The following SETX variants were observed in gnomAD, a reference collection of about 807,000 sequenced individuals.
The protein encoded by SETX is senataxin, also known as helicase senataxin.
In SETX, 90 loss-of-function variants were observed where a neutral mutation model predicts 227.2. The ratio of observed to expected loss-of-function variants is 0.40; its 90% CI spans 0.33 to 0.47. The LOEUF (loss-of-function observed/expected upper bound fraction) is 0.47. Ranked by LOEUF, SETX falls within the 20% of genes least tolerant of loss-of-function variation. The probability of loss-of-function intolerance (pLI) is 0.91; values close to 1 mark genes in which losing one functional copy is unlikely to be tolerated. For synonymous variants in SETX, 1,210 were observed against 1,113.2 expected, an observed-to-expected ratio of 1.09 and a Z score of -1.73; for missense variants, 3,052 against 3,181.5, an observed-to-expected ratio of 0.96 and a Z score of 0.98.
intron 2 of SETX, among the ~76,000 whole-genome samples, chr9:132,350,264 T>C (rs1447576984): frequency 1.3e-5 from 2 of 152,056 alleles, no homozygotes; most frequent in Non-Finnish European, 2.9e-5. Flanking sequence ...GCAGGAGTAC[T>C]GCCTGAACGT....
chr9:132,343,180 G>A (rs1001319794), intron 4 of SETX, among the ~76,000 whole-genome samples: 1 of 152,096 alleles, frequency 6.6e-6, no homozygotes, highest in East Asian at 1.9e-4. Flanking sequence ...TTAGCCGGGC[G>A]TGGTGGTGGG....
At chr9:132,307,567 T>C (rs2131338165) in intron 11 of SETX, among the ~76,000 whole-genome samples, 1 of 152,120 alleles carries the variant, frequency 6.6e-6, no homozygotes, top group East Asian at 1.9e-4. Flanking sequence ...GCACACAGCC[T>C]CAGAGCCAAC....
chr9:132,325,757 A>G (rs1846701481), intron 10 of SETX, among the ~76,000 whole-genome samples: 1 of 151,928 alleles, frequency 6.6e-6, no homozygotes, highest in Non-Finnish European at 1.5e-5. Flanking sequence ...ACATGGTGAA[A>G]CCCCTTCTCT....
upstream of SETX, chr9:132,354,992 C>A (rs1055615359): frequency 1.3e-5 from 2 of 152,256 alleles, no homozygotes; most frequent in Admixed American, 6.5e-5. Context: ...GAAGTGCGGG[C>A]CCGCAGCCGC....
In SETX at chr9:132,349,236, A is replaced by G. The variant is rs1213602879; in HGVS notation, c.177+16T>C. 1 of 1,612,474 alleles carries G rather than the reference A, an allele frequency of 6.2e-7. No homozygotes were observed. Among genetic ancestry groups the G allele is most frequent in the Non-Finnish European group, 8.5e-7 (1 of 1,179,066 alleles). The stretch of plus-strand genomic sequence containing the variant: ...TATCAAGCTCTGAAAAATATTGCCC[A>G]TCTAATATATTTTACCTCATGCAAG... On this transcript the variant is annotated intron_variant, in intron 3 of 25. Transcript: ENST00000224140.
chr9:132,322,884 A>G (rs549295672), intron 10 of SETX, among the ~76,000 whole-genome samples: 1 of 152,328 alleles, frequency 6.6e-6, no homozygotes, highest in South Asian at 2.1e-4. Flanking sequence ...TCCATGAAAT[A>G]GAATAAAGGA....
At chr9:132,317,126 T>G (rs182571199) in intron 10 of SETX, among the ~76,000 whole-genome samples, 3 of 152,348 alleles carry the variant, frequency 2.0e-5, no homozygotes, top group Admixed American at 6.5e-5. Flanking sequence ...TTAAAATAGT[T>G]GTAAAGTGTT....
chr9:132,310,140 T>A (rs1432616024), intron 11 of SETX, among the ~76,000 whole-genome samples: 1 of 152,158 alleles, frequency 6.6e-6, no homozygotes, highest in Non-Finnish European at 1.5e-5. Context: ...AAGAGGTTAC[T>A]GAGACAGCTA....
rs906800616 is a variant in SETX at position 132,339,735 on chromosome 9, C to G, written c.498+2955G>C. ...TCAAGCAATTCTCCTGCCTCAGCCT[C>G]CCAGGTAGCTGGGACTACAGGCACA... is the stretch of plus-strand genomic sequence containing the variant. On this transcript the variant is annotated intron_variant, in intron 5 of 25. Transcript: ENST00000224140. Among the ~76,000 whole-genome samples the G allele has an allele frequency of 6.6e-5, 10 of 152,166 alleles. No homozygotes were observed. In the South Asian group the frequency reaches 1.4e-3, roughly 22 times the overall value.
At position 132,331,105 on chromosome 9, in the gene SETX, T is replaced by A. The variant is rs1176227152; in HGVS notation, c.1045A>T (p.Met349Leu). 6.2e-7 allele frequency: 1 copy of A among 1,613,594 alleles called. No individual in the cohort carries two copies. The highest frequency in any genetic ancestry group is 1.1e-5 in the South Asian group (1 of 91,076). Residue 349 changes from methionine to leucine, a missense_variant, in exon 9 of 26, where the codon ATG becomes TTG. By Grantham distance (15) the Met-to-Leu change is conservative. This residue lies in a region of SETX where 239 missense variants were observed against 240.8 expected (regional missense o/e 0.99). Transcript: ENST00000224140. The part of the protein sequence containing the change: ...KLEPESYLDD[M>L]VTCSQIVYNY... ...TATACGATCTGGCTGCAAGTCACCA[T>A]ATCATCCAAATAGGACTCCGGTTCT...
At chr9:132,307,932 C>T (rs1845430400) in intron 11 of SETX, among the ~76,000 whole-genome samples, 1 of 152,172 alleles carries the variant, frequency 6.6e-6, no homozygotes, top group South Asian at 2.1e-4. Context: ...GCCCCTCGGC[C>T]TCCCAAAGTG....
intron 10 of SETX, among the ~76,000 whole-genome samples, chr9:132,325,652 C>T (rs1416602542): frequency 1.3e-5 from 2 of 152,140 alleles, no homozygotes; most frequent in Admixed American, 6.5e-5. Flanking sequence ...TCCAGCCAGG[C>T]ACAGTGGCTC....
chr9:132,355,185 C>T (rs1848848728), upstream of SETX, among the ~76,000 whole-genome samples: 1 of 152,086 alleles, frequency 6.6e-6, no homozygotes, highest in Non-Finnish European at 1.5e-5. Context: ...AGCTGGGGCC[C>T]GACCAATCCC....
intron 15 of SETX, 41 bp downstream of exon 15, chr9:132,295,831 T>G (rs145495907): frequency 1.9e-6 from 3 of 1,589,054 alleles, no homozygotes; most frequent in Middle Eastern, 1.8e-4. Flanking sequence ...CACTTAACAC[T>G]GAAAACAAAA....
At chr9:132,271,660 C>T in intron 24 of SETX, 50 bp downstream of exon 24, 1 of 1,443,558 alleles carries the variant, frequency 6.9e-7, no homozygotes, top group Non-Finnish European at 9.7e-7. Flanking sequence ...GAACTATAAA[C>T]AAGCAACAAT....
At chr9:132,291,068 CTTATTT>C (rs1456104106) in intron 15 of SETX, among the ~76,000 whole-genome samples, 1 of 148,932 alleles carries the variant, frequency 6.7e-6, no homozygotes, top group Non-Finnish European at 1.5e-5. Context: ...AAATGAATGG[CTTATTT>C]TTAGTTATCT....
At chr9:132,301,485 T>C (rs1844993105) in intron 11 of SETX, among the ~76,000 whole-genome samples, 1 of 152,168 alleles carries the variant, frequency 6.6e-6, no homozygotes, top group Non-Finnish European at 1.5e-5. Flanking sequence ...CACCGCATAA[T>C]GATGTTGTGG....
At chr9:132,310,540 C>T (rs537480290) in intron 11 of SETX, among the ~76,000 whole-genome samples, 3 of 152,330 alleles carry the variant, frequency 2.0e-5, no homozygotes, top group Admixed American at 2.0e-4. Flanking sequence ...CGAGGCTGCC[C>T]CTTGGCTGGT....
chr9:132,351,445 G>C (rs538240743), intron 2 of SETX, among the ~76,000 whole-genome samples: 1 of 152,182 alleles, frequency 6.6e-6, no homozygotes, highest in Non-Finnish European at 1.5e-5. Flanking sequence ...TACAGAATTT[G>C]CTTTTTATTT....
Sources: gnomAD v4.1 joint callset for allele counts (sites outside exome capture counted in the v4.1 genomes callset) on GRCh38, gnomAD v4.1.1 for gene constraint, gnomAD v4.1.1 regional missense constraint, MANE v1.5 for transcripts, NCBI Gene and HGNC (gene_info 2026-07-23, HGNC 2026-07-21) for gene names.